PDE8A: variants seen among roughly 807,000 people sequenced by gnomAD.
PDE8A encodes the protein phosphodiesterase 8A, also known as high affinity cAMP-specific and IBMX-insensitive 3',5'-cyclic phosphodiesterase 8A.
In PDE8A, 59 loss-of-function variants were observed where a neutral mutation model predicts 105.0. The observed-to-expected ratio is 0.56, with a 90% CI of 0.46 to 0.70. The LOEUF (loss-of-function observed/expected upper bound fraction) is 0.70, where lower values mean the gene tolerates loss of function less well. PDE8A is among the 30% of genes least tolerant of loss of function. PDE8A has a pLI of 0.00. For synonymous variants in PDE8A, 355 were observed against 371.9 expected, an observed-to-expected ratio of 0.95 and a Z score of 0.52; for missense variants, 1,014 against 1,045.9, an observed-to-expected ratio of 0.97 and a Z score of 0.42.
At chr15:85,113,289 C>A in intron 12 of PDE8A, 88 bp from the exon 13 acceptor site, 1 of 1,066,826 alleles carries the variant, frequency 9.4e-7, no homozygotes, top group Non-Finnish European at 1.5e-6. Context: ...GCCCCTTCAT[C>A]ATGCAGCCGA....
intron 8 of PDE8A, among the ~76,000 whole-genome samples, chr15:85,096,696 C>G (rs1044144827): frequency 6.6e-6 from 1 of 152,140 alleles, no homozygotes; most frequent in African/African-American, 2.4e-5. Context: ...AAGCCTCGTC[C>G]TGTGGGCTGA....
At chr15:84,995,292 A>G (rs1596415576) in intron 1 of PDE8A, among the ~76,000 whole-genome samples, 1 of 150,814 alleles carries the variant, frequency 6.6e-6, no homozygotes, top group African/African-American at 2.4e-5. Flanking sequence ...TAATTTTAAT[A>G]TAAGTGGAGT....
chr15:85,068,482 G>T (rs1348882287), intron 3 of PDE8A, among the ~76,000 whole-genome samples: 1 of 152,156 alleles, frequency 6.6e-6, no homozygotes, highest in Non-Finnish European at 1.5e-5. Context: ...CTGGATAGCT[G>T]CTTGTCTCTG....
In PDE8A at chr15:85,107,506, G is replaced by A. The variant is rs144047998; in HGVS notation, c.1037-1547G>A. Among the ~76,000 whole-genome samples the A allele has an allele frequency of 2.7e-3, 416 of 152,314 alleles. 2 individuals are homozygous for A. Among genetic ancestry groups the A allele is most frequent in the African/African-American group, 9.7e-3 (403 of 41,568 alleles). On this transcript the variant is annotated intron_variant, in intron 11 of 21. Transcript: ENST00000394553. Reference sequence around the variant, plus strand: ...CATTAATCCAGGGAGGATGACAAATGTCTGAGCTTGGACAGGGATAGAGCA... The same window carrying A: ...CATTAATCCAGGGAGGATGACAAATATCTGAGCTTGGACAGGGATAGAGCA...
chr15:85,061,195 T>G (rs766283656), intron 1 of PDE8A, among the ~76,000 whole-genome samples: 2 of 151,970 alleles, frequency 1.3e-5, no homozygotes, highest in African/African-American at 2.4e-5. Context: ...GACCAGTTGC[T>G]TCTTTCTTGC....
At chr15:85,043,486 G>A (rs2080841251) in intron 1 of PDE8A, among the ~76,000 whole-genome samples, 1 of 152,102 alleles carries the variant, frequency 6.6e-6, no homozygotes, top group South Asian at 2.1e-4. Flanking sequence ...GAAGATCTCG[G>A]ATTGGGTTAT....
chr15:85,038,340 G>A (rs1411489629), intron 1 of PDE8A, among the ~76,000 whole-genome samples: 2 of 151,994 alleles, frequency 1.3e-5, no homozygotes, highest in Non-Finnish European at 2.9e-5. Flanking sequence ...CTCCAACTTC[G>A]TGGCTTACTT....
At chr15:85,099,678 A>G (rs1057348365) in intron 9 of PDE8A, 28 of 268,998 alleles carry the variant, frequency 1.0e-4, no homozygotes, top group African/African-American at 5.9e-4. Flanking sequence ...AAAAGCATCA[A>G]TGTAAAGGGT....
intron 20 of PDE8A, among the ~76,000 whole-genome samples, chr15:85,134,413 C>T (rs2082373625): frequency 6.6e-6 from 1 of 152,204 alleles, no homozygotes; most frequent in African/African-American, 2.4e-5. Context: ...GCCCTCCCTG[C>T]GCCCCCACCC....
intron 17 of PDE8A, among the ~76,000 whole-genome samples, chr15:85,118,346 A>G (rs752815405): frequency 2.0e-5 from 3 of 152,064 alleles, no homozygotes; most frequent in Non-Finnish European, 4.4e-5. Flanking sequence ...TCCACTCCTC[A>G]ACCCCCCACA....
chr15:85,083,346 A>G, intron 5 of PDE8A, among the ~76,000 whole-genome samples: 1 of 152,078 alleles, frequency 6.6e-6, no homozygotes, highest in South Asian at 2.1e-4. Context: ...CTACTAAATG[A>G]TAGAAGGAAA....
intron 20 of PDE8A, among the ~76,000 whole-genome samples, chr15:85,135,143 G>A (rs1035914412): frequency 3.3e-5 from 5 of 152,138 alleles, no homozygotes; most frequent in East Asian, 3.9e-4. Flanking sequence ...GAGGAGCTGC[G>A]AGTGAGTTCT....
chr15:85,120,257 C>T (rs2082160763), intron 17 of PDE8A: 2 of 151,886 alleles, frequency 1.3e-5, no homozygotes, highest in South Asian at 2.1e-4. Flanking sequence ...AATTCTTTAG[C>T]CCTTTAAGGA....
At chr15:85,070,353 C>G (rs1038879202) in intron 3 of PDE8A, among the ~76,000 whole-genome samples, 1 of 152,160 alleles carries the variant, frequency 6.6e-6, no homozygotes, top group African/African-American at 2.4e-5. Context: ...CAGGTCTGGG[C>G]ACTGCATTTG....
chr15:85,105,457 TC>T (rs1445994720), intron 11 of PDE8A, among the ~76,000 whole-genome samples: 1 of 152,124 alleles, frequency 6.6e-6, no homozygotes, highest in Non-Finnish European at 1.5e-5. Context: ...GGTCTGGACT[TC>T]CTCATATCCA....
intron 1 of PDE8A, among the ~76,000 whole-genome samples, chr15:85,057,131 T>C (rs560377979): frequency 2.4e-4 from 37 of 152,192 alleles, no homozygotes; most frequent in Non-Finnish European, 4.1e-4. Flanking sequence ...CCACAAATAC[T>C]GCAGAACGGC....
At chr15:84,983,122 C>G (rs2079746928) in intron 1 of PDE8A, among the ~76,000 whole-genome samples, 2 of 152,002 alleles carry the variant, frequency 1.3e-5, no homozygotes, top group South Asian at 4.2e-4. Flanking sequence ...TGGGCTTAGT[C>G]TTTGTTGAGG....
At chr15:85,096,201 G>A (rs200968300) in intron 8 of PDE8A, among the ~76,000 whole-genome samples, 1 of 152,120 alleles carries the variant, frequency 6.6e-6, no homozygotes, top group East Asian at 1.9e-4. Flanking sequence ...AATGCTGACT[G>A]ATTGAATTGG....
intron 1 of PDE8A, among the ~76,000 whole-genome samples, chr15:85,033,185 AAGAG>A (rs780734480): frequency 6.6e-5 from 10 of 152,304 alleles, no homozygotes; most frequent in Admixed American, 1.3e-4. Flanking sequence ...ATCTCAGGAA[AAGAG>A]AGAGACATTT....
Sources: allele counts gnomAD v4.1 joint callset (sites outside exome capture counted in the v4.1 genomes callset), GRCh38; gene constraint gnomAD v4.1.1; transcripts MANE v1.5; gene names NCBI Gene and HGNC (gene_info 2026-07-23, HGNC 2026-07-21).